SLC66A2: variants seen among roughly 807,000 people sequenced by gnomAD.
SLC66A2 encodes the protein solute carrier family 66 member 2.
A neutral mutation model predicts 25.5 loss-of-function variants in SLC66A2; 23 were observed. That is an observed-to-expected ratio of 0.90 (90% confidence interval 0.65 to 1.28). SLC66A2 has a LOEUF of 1.28. Ranked by LOEUF, SLC66A2 falls within the 50% of genes most tolerant of loss-of-function variation. The pLI is 0.00. For missense variants in SLC66A2, 396 were observed against 373.1 expected (o/e 1.06, Z -0.51); for synonymous variants, 193 against 166.5 (o/e 1.16, Z -1.23).
chr18:79,934,139 AAAC>A (rs1469476582), intron 3 of SLC66A2, 117 bp from the exon 4 acceptor site: 6 of 824,922 alleles, frequency 7.3e-6, no homozygotes, highest in South Asian at 1.6e-5. Flanking sequence ...AAAAAAAAAA[AAAC>A]AAACCAGAAT....
In SLC66A2 at chr18:79,933,962, T is replaced by C. The variant is rs771115995; in HGVS notation, c.391+7A>G. On this transcript the variant is annotated splice_region_variant and intron_variant, in intron 4 of 5. Transcript: ENST00000397778. Reference sequence around the variant, plus strand: ...TGCTGCGGACAGTGCACGCGCAGGGTACATACCCAGGAAGGACCGCCTGGG... The same window carrying C: ...TGCTGCGGACAGTGCACGCGCAGGGCACATACCCAGGAAGGACCGCCTGGG... 1 of 1,610,796 alleles carries C rather than the reference T, an allele frequency of 6.2e-7. No homozygotes were observed. Among genetic ancestry groups the C allele is most frequent in the Non-Finnish European group, 8.5e-7 (1 of 1,178,780 alleles).
intron 5 of SLC66A2, among the ~76,000 whole-genome samples, chr18:79,913,566 G>A (rs900657028): frequency 1.3e-5 from 2 of 152,274 alleles, no homozygotes; most frequent in African/African-American, 2.4e-5. Context: ...TTGCTCACAG[G>A]TGGAAACCGT....
intron 5 of SLC66A2, among the ~76,000 whole-genome samples, chr18:79,911,209 C>T (rs1358188636): frequency 6.6e-6 from 1 of 152,242 alleles, no homozygotes; most frequent in Non-Finnish European, 1.5e-5. Context: ...CGGAGCCCAC[C>T]CTAGGAGGGG....
intron 2 of SLC66A2, among the ~76,000 whole-genome samples, chr18:79,945,785 C>G (rs1599662404): frequency 6.6e-6 from 1 of 152,250 alleles, no homozygotes; most frequent in Non-Finnish European, 1.5e-5. Context: ...CTATAAAGCA[C>G]GATCGCAACC....
At chr18:79,947,076 G>C (rs959721579) in intron 2 of SLC66A2, among the ~76,000 whole-genome samples, 31 of 152,184 alleles carry the variant, frequency 2.0e-4, no homozygotes, top group African/African-American at 7.2e-4. Context: ...CTGATACAAT[G>C]TTTTCATTCC....
chr18:79,933,029 A>G (rs185764767), intron 4 of SLC66A2, among the ~76,000 whole-genome samples: 1 of 152,358 alleles, frequency 6.6e-6, no homozygotes, highest in East Asian at 1.9e-4. Flanking sequence ...TCTTACGAAT[A>G]CAGATACAAA....
At chr18:79,924,119 G>A (rs1253189310) in intron 4 of SLC66A2, among the ~76,000 whole-genome samples, 1 of 152,198 alleles carries the variant, frequency 6.6e-6, no homozygotes, top group Non-Finnish European at 1.5e-5. Flanking sequence ...TGCCGGGCCG[G>A]CGGAGAGGCT....
intron 5 of SLC66A2, among the ~76,000 whole-genome samples, chr18:79,908,436 T>C (rs1047299179): frequency 1.6e-4 from 25 of 152,184 alleles, no homozygotes; most frequent in Non-Finnish European, 3.1e-4. Flanking sequence ...CCATAGTAAT[T>C]TGGATCCTTT....
rs751621423 is a variant in SLC66A2, at chr18:79,934,042, A to T, written c.338-20T>A. The T allele has an allele frequency of 6.2e-7, 1 of 1,605,480 alleles. No homozygotes were observed. Among genetic ancestry groups the T allele is most frequent in the East Asian group, 2.2e-5 (1 of 44,770 alleles). ...CTGCAGCTACACGTTAAAAAGGGAG[A>T]CAGAAACAGAAAGGGGAAAAAGACA... On this transcript the variant is annotated intron_variant, in intron 3 of 5. Coordinates refer to ENST00000397778, the MANE Select transcript of SLC66A2 (RefSeq NM_025078.5).
At chr18:79,910,793 C>T (rs1177853420) in intron 5 of SLC66A2, among the ~76,000 whole-genome samples, 5 of 152,070 alleles carry the variant, frequency 3.3e-5, no homozygotes, top group African/African-American at 1.2e-4. Context: ...GGCCAGGGCA[C>T]GTTTGTTTTG....
At chr18:79,931,767 C>CCAAA (rs1986591980) in intron 4 of SLC66A2, among the ~76,000 whole-genome samples, 1 of 152,118 alleles carries the variant, frequency 6.6e-6, no homozygotes, top group Non-Finnish European at 1.5e-5. Flanking sequence ...AATCCTAGCT[C>CCAAA]TTTGGGAGGC....
At chr18:79,935,196 A>C (rs1986958641) in intron 3 of SLC66A2, 1 of 152,232 alleles carries the variant, frequency 6.6e-6, no homozygotes, top group Admixed American at 6.5e-5. Flanking sequence ...TCTCACATCC[A>C]GGTGTGACTG....
chr18:79,923,432 C>T (rs1467157323), intron 4 of SLC66A2, among the ~76,000 whole-genome samples: 1 of 152,070 alleles, frequency 6.6e-6, no homozygotes, highest in Admixed American at 6.6e-5. Context: ...GTTTAAGAGA[C>T]TTGGGAAAGC....
rs1385402015 is a variant in SLC66A2, at chr18:79,937,272, T to C, written c.338-3250A>G. Among the ~76,000 whole-genome samples the C allele has an allele frequency of 6.6e-6, 1 of 152,142 alleles. No homozygotes were observed. The highest frequency in any genetic ancestry group is 1.5e-5 in the Non-Finnish European group (1 of 68,018). ...AGATGTAGCCGCCACACGAGCACCC[T>C]GTTATACCAGGATCCTGTGTAGAAG... On this transcript the variant is annotated intron_variant, in intron 3 of 5. Coordinates refer to ENST00000397778, the MANE Select transcript of SLC66A2 (RefSeq NM_025078.5). The surrounding 1 kb of genome is among the most constrained non-coding windows in gnomAD (Gnocchi z 5.4).
At chr18:79,914,871 C>G (rs1488125693) in intron 5 of SLC66A2, among the ~76,000 whole-genome samples, 2 of 152,248 alleles carry the variant, frequency 1.3e-5, no homozygotes, top group Non-Finnish European at 2.9e-5. Context: ...GCAGGCCCTG[C>G]CTTGCCCAGG....
chr18:79,919,336 G>A lies in SLC66A2; in HGVS notation c.456C>T (p.Ala152=). ...SFSDYVQCVL[A]FTGVAGYITY... ...TGATGTAGCCCGCCACGCCCGTGAA[G>A]GCCAGGACGCACTGCACGTAGTCCG... Residue 152 remains alanine, a synonymous_variant, in exon 5 of 6, where the codon GCC becomes GCT. Coordinates refer to ENST00000397778, the MANE Select transcript of SLC66A2 (RefSeq NM_025078.5). 1.9e-6 allele frequency: 3 copies of A among 1,613,340 alleles called. No homozygotes were observed. The highest frequency in any genetic ancestry group is 2.5e-6 in the Non-Finnish European group (3 of 1,180,036).
chr18:79,933,494 TAGAG>T (rs1986773887), intron 4 of SLC66A2, among the ~76,000 whole-genome samples: 1 of 152,212 alleles, frequency 6.6e-6, no homozygotes, highest in African/African-American at 2.4e-5. Context: ...GAATCATATA[TAGAG>T]AATCTACTAA....
In SLC66A2 at chr18:79,927,131, G is replaced by A. The variant is rs897709240; in HGVS notation, c.391+6838C>T. 1.3e-5 allele frequency among the ~76,000 whole-genome samples: 2 copies of A among 152,200 alleles called. No individual in the cohort carries two copies. The highest frequency in any genetic ancestry group is 2.4e-5 in the African/African-American group (1 of 41,448). On this transcript the variant is annotated intron_variant, in intron 4 of 5. Coordinates refer to ENST00000397778, the MANE Select transcript of SLC66A2 (RefSeq NM_025078.5). This position sits in a 1 kb window ranked among gnomAD's most constrained non-coding sequence, Gnocchi z 6.2. ...GGCAGGTCCCAGCCCTACCTGCTGC[G>A]TCTGCTTCTCCACCCCACTCCAGCT... is the stretch of plus-strand genomic sequence containing the variant.
rs1294238258 is a variant in SLC66A2 at position 79,940,987 on chromosome 18, C to A, written c.337+2342G>T. 6.6e-6 allele frequency among the ~76,000 whole-genome samples: 1 copy of A among 152,136 alleles called. No individual in the cohort carries two copies. Among genetic ancestry groups the A allele is most frequent in the Non-Finnish European group, 1.5e-5 (1 of 68,010 alleles). On this transcript the variant is annotated intron_variant, in intron 3 of 5. Coordinates refer to ENST00000397778, the MANE Select transcript of SLC66A2 (RefSeq NM_025078.5). This position sits in a 1 kb window ranked among gnomAD's most constrained non-coding sequence, Gnocchi z 4.1. ...CTGACCCCAGGAGCCCGGCCCCCTA[C>A]CCCTCGTGGCGGCCCTGGACTGCTT...
Sources: gnomAD v4.1 joint callset for allele counts (sites outside exome capture counted in the v4.1 genomes callset) on GRCh38, gnomAD v4.1.1 for gene constraint, Gnocchi (gnomAD v3.1) non-coding constraint, MANE v1.5 for transcripts, NCBI Gene and HGNC (gene_info 2026-07-23, HGNC 2026-07-21) for gene names.